GARS1: variants seen among roughly 807,000 people sequenced by gnomAD.
GARS1 encodes glycine--tRNA ligase.
Under a neutral mutation model 86.4 loss-of-function variants are expected in GARS1, and 46 were observed. The ratio of observed to expected loss-of-function variants is 0.53; its 90% CI spans 0.42 to 0.68. GARS1 has a LOEUF of 0.68. Ranked by LOEUF, GARS1 falls within the 30% of genes least tolerant of loss-of-function variation. GARS1 has a pLI of 0.00. For missense variants in GARS1, 797 were observed against 915.6 expected (o/e 0.87, Z 1.67); for synonymous variants, 342 against 329.8 (o/e 1.04, Z -0.40).
chr7:30,612,761 G>A (rs1053461669), intron 8 of GARS1, among the ~76,000 whole-genome samples: 2 of 152,060 alleles, frequency 1.3e-5, no homozygotes, highest in African/African-American at 2.4e-5. Context: ...TGACAGAAAG[G>A]CCAGCAAGCA....
chr7:30,598,690 G>C, intron 1 of GARS1, 106 bp from the exon 2 acceptor site: 1 of 915,310 alleles, frequency 1.1e-6, no homozygotes, highest in South Asian at 1.4e-5. Context: ...GGCCTGAATT[G>C]CATCATTCTT....
Position 30,601,187 on chromosome 7 carries a change from G to A in GARS1, c.556G>A (p.Glu186Lys). ...GATCGATTGCACCATGCTCACCCCT[G>A]AGCCAGTTTTAAAGTGAGATCTTAC... The part of the protein sequence containing the change: ...LEIDCTMLTP[E>K]PVLKTSGHVD... The change falls in exon 4 of 17, where the codon GAG (glutamate) becomes AAG (lysine). Residue 186 changes from glutamate to lysine, a missense_variant. Physicochemically the swap from Glu to Lys is moderately conservative, Grantham distance 56. Around this residue, in one of 2 missense-constraint regions of GARS1, gnomAD observed 598 missense variants for 738.7 expected, o/e 0.81. Transcript: ENST00000389266. 2 of 1,614,002 alleles carry A rather than the reference G, an allele frequency of 1.2e-6. No individual in the cohort carries two copies. Among genetic ancestry groups the A allele is most frequent in the Non-Finnish European group, 1.7e-6 (2 of 1,179,922 alleles).
intron 6 of GARS1, among the ~76,000 whole-genome samples, chr7:30,604,495 G>C (rs770117998): frequency 1.1e-4 from 16 of 151,766 alleles, no homozygotes; most frequent in Non-Finnish European, 2.1e-4. Flanking sequence ...GGGAATTACT[G>C]GATACTTTTC....
At chr7:30,618,146 A>C (rs1330279735) in intron 10 of GARS1, among the ~76,000 whole-genome samples, 1 of 152,228 alleles carries the variant, frequency 6.6e-6, no homozygotes, top group Non-Finnish European at 1.5e-5. Context: ...CAAAAAGGAA[A>C]AAATAATTCT....
chr7:30,595,221 C>A, intron 1 of GARS1, 78 bp downstream of exon 1: 4 of 1,269,634 alleles, frequency 3.2e-6, no homozygotes, highest in Non-Finnish European at 4.4e-6. Context: ...TCCCTCCTCC[C>A]CGGGGAACTG....
chr7:30,604,153 C>G (rs1791436931), intron 6 of GARS1, among the ~76,000 whole-genome samples: 1 of 152,086 alleles, frequency 6.6e-6, no homozygotes, highest in Non-Finnish European at 1.5e-5. Flanking sequence ...GGAATACTTT[C>G]TATATTAGAA....
At chr7:30,613,792 C>T (rs961722881) in intron 8 of GARS1, among the ~76,000 whole-genome samples, 1 of 152,194 alleles carries the variant, frequency 6.6e-6, no homozygotes, top group Non-Finnish European at 1.5e-5. Flanking sequence ...AGTCAGCATC[C>T]TCCTGGCTTT....
intron 11 of GARS1, among the ~76,000 whole-genome samples, chr7:30,621,905 C>G (rs2128135142): frequency 6.6e-6 from 1 of 152,268 alleles, no homozygotes; most frequent in African/African-American, 2.4e-5. Flanking sequence ...ATTTAGCTCA[C>G]TTGGTCTGAA....
intron 3 of GARS1, among the ~76,000 whole-genome samples, chr7:30,600,452 C>A (rs575682761): frequency 6.6e-6 from 1 of 152,272 alleles, no homozygotes; most frequent in South Asian, 2.1e-4. Flanking sequence ...TGGTCATCTG[C>A]CAGGAGAAAA....
At chr7:30,622,515 GC>G in intron 12 of GARS1, 53 bp downstream of exon 12, 1 of 1,599,374 alleles carries the variant, frequency 6.3e-7, no homozygotes, top group Non-Finnish European at 8.6e-7. Flanking sequence ...TGTGTCATCT[GC>G]CAGGTTCTGA....
chr7:30,624,690 C>T (rs911826522), intron 12 of GARS1, among the ~76,000 whole-genome samples: 1 of 151,940 alleles, frequency 6.6e-6, no homozygotes, highest in Non-Finnish European at 1.5e-5. Flanking sequence ...AAAAATATTC[C>T]ACAAGAAGAT....
intron 7 of GARS1, among the ~76,000 whole-genome samples, chr7:30,610,491 GT>G (rs1017230974): frequency 6.6e-6 from 1 of 152,216 alleles, no homozygotes; most frequent in Non-Finnish European, 1.5e-5. Flanking sequence ...GATAGATCGT[GT>G]TTCCCAGAGT....
At chr7:30,626,101 A>G in intron 12 of GARS1, 133 bp from the exon 13 acceptor site, 1 of 630,780 alleles carries the variant, frequency 1.6e-6, no homozygotes, top group Non-Finnish European at 2.9e-6. Context: ...TAAATTTGAC[A>G]TCACTTATTA....
At position 30,613,078 on chromosome 7, in the gene GARS1, A is replaced by G. The variant is rs867368661; in HGVS notation, c.1031+833A>G. 3.2e-4 allele frequency among the ~76,000 whole-genome samples: 48 copies of G among 152,292 alleles called. 1 individual carries two copies. The highest frequency in any genetic ancestry group is 1.1e-3 in the African/African-American group (47 of 41,562). On this transcript the variant is annotated intron_variant, in intron 8 of 16. Transcript: ENST00000389266. ...CTGTCTTCTCTTCTTACTCACTGTA[A>G]TTACAGACTTGGGTCATAACATAGC...
Position 30,625,326 on chromosome 7 carries a change from A to C in GARS1, c.1614-908A>C, listed in dbSNP as rs547247245. The stretch of plus-strand genomic sequence containing the variant: ...AGAATGCATGTGACACTGTGTATGT[A>C]ATGGAACCTTGAATGCATGCACACA... On this transcript the variant is annotated intron_variant, in intron 12 of 16. Transcript: ENST00000389266. Among the ~76,000 whole-genome samples, 6 of 152,342 alleles carry C rather than the reference A, an allele frequency of 3.9e-5. No individual in the cohort carries two copies. In the South Asian group the frequency reaches 1.2e-3, roughly 32 times the overall value.
intron 6 of GARS1, among the ~76,000 whole-genome samples, chr7:30,603,792 A>T (rs1791429210): frequency 6.6e-6 from 1 of 152,206 alleles, no homozygotes; most frequent in Non-Finnish European, 1.5e-5. Context: ...AGTCCGTGTT[A>T]ATAGGCATTC....
At chr7:30,597,677 A>C (rs1391031838) in intron 1 of GARS1, among the ~76,000 whole-genome samples, 1 of 152,242 alleles carries the variant, frequency 6.6e-6, no homozygotes, top group Non-Finnish European at 1.5e-5. Flanking sequence ...GAATAATCAC[A>C]TATTTTTAAA....
chr7:30,626,524 AT>A (rs1174157385), intron 13 of GARS1, among the ~76,000 whole-genome samples: 5 of 152,098 alleles, frequency 3.3e-5, no homozygotes, highest in African/African-American at 1.2e-4. Flanking sequence ...TAATTTTTGT[AT>A]TTTTTGTAGA....
rs906929948 is a variant in GARS1 at position 30,632,120 on chromosome 7, A to G, written c.1904-127A>G. On this transcript the variant is annotated intron_variant, in intron 15 of 16. Transcript: ENST00000389266. This position sits in a 1 kb window ranked among gnomAD's most constrained non-coding sequence, Gnocchi z 4.1. ...TTTAGGGATATTTCTTTCTCTTGCA[A>G]CTCAACTTGTTGCTTTCTTGTCTTG... The G allele has an allele frequency of 3.4e-6, 3 of 879,348 alleles. No homozygotes were observed. Among genetic ancestry groups the G allele is most frequent in the Non-Finnish European group, 5.5e-6 (3 of 545,512 alleles). 54.5% of individuals were successfully genotyped at this position (879,348 alleles called of 1,614,324 possible).
Sources: allele counts gnomAD v4.1 joint callset (sites outside exome capture counted in the v4.1 genomes callset), GRCh38; gene constraint gnomAD v4.1.1; regional missense constraint gnomAD v4.1.1; non-coding constraint Gnocchi (gnomAD v3.1); transcripts MANE v1.5; gene names NCBI Gene and HGNC (gene_info 2026-07-23, HGNC 2026-07-21).